NIN: variants seen among roughly 807,000 people sequenced by gnomAD.
The protein encoded by NIN is ninein.
Under a neutral mutation model 257.6 loss-of-function variants are expected in NIN, and 137 were observed. The observed-to-expected ratio is 0.53, with a 90% CI of 0.46 to 0.61. The LOEUF (loss-of-function observed/expected upper bound fraction) is 0.61. NIN is among the 20% of genes least tolerant of loss of function. The probability of loss-of-function intolerance (pLI) is 0.00; values close to 1 mark genes in which losing one functional copy is unlikely to be tolerated. For missense variants in NIN, 2,439 were observed against 2,501.2 expected, an observed-to-expected ratio of 0.98 and a Z score of 0.53; for synonymous variants, 918 against 919.8, an observed-to-expected ratio of 1.00 and a Z score of 0.04.
In NIN at chr14:50,722,339, T is replaced by G. The variant is rs75313789; in HGVS notation, c.*1124A>C. The G allele has an allele frequency of 6.8e-3, 1,459 of 215,178 alleles. 7 individuals carry two copies. Among genetic ancestry groups the G allele is most frequent in the Middle Eastern group, 0.023 (16 of 690 alleles). 13.3% of individuals were successfully genotyped at this position (215,178 alleles called of 1,614,324 possible). A position where few individuals can be genotyped will look rare whatever the true frequency, so the allele number is the denominator to read the frequency against. ...TAGAAGGAATAAGAAACACAGAAAA[T>G]TTTGACCTATATTAAATAAACTCTT... On this transcript the variant is annotated 3_prime_UTR_variant, in exon 31 of 31. Coordinates refer to ENST00000530997, the MANE Select transcript of NIN (RefSeq NM_020921.4).
At chr14:50,796,032 T>C (rs1398420811) in intron 4 of NIN, among the ~76,000 whole-genome samples, 1 of 152,218 alleles carries the variant, frequency 6.6e-6, no homozygotes, top group Non-Finnish European at 1.5e-5. Context: ...AAAGTATAAA[T>C]GACTGCCATG....
intron 29 of NIN, chr14:50,727,402 T>A: frequency 9.3e-7 from 1 of 1,070,098 alleles, no homozygotes; most frequent in Non-Finnish European, 1.1e-6. Flanking sequence ...ATATATAGAC[T>A]ACATCCTTTC....
At position 50,730,144 on chromosome 14, in the gene NIN, T is replaced by C. The variant is rs532423838; in HGVS notation, c.5878-421A>G. Among the ~76,000 whole-genome samples the C allele has an allele frequency of 1.9e-4, 29 of 152,370 alleles. No individual in the cohort carries two copies. The South Asian group carries it at 5.6e-3, about 29-fold the overall frequency. On this transcript the variant is annotated intron_variant, in intron 28 of 30. Coordinates refer to ENST00000530997, the MANE Select transcript of NIN (RefSeq NM_020921.4). ...AAGATTGTTAAATGTTCAATGACTA[T>C]ATTTTTTCCAACCCCAAGTTAGCAA...
At chr14:50,772,222 TCA>T (rs1239628355) in intron 9 of NIN, 77 bp downstream of exon 9, 12 of 1,281,470 alleles carry the variant, frequency 9.4e-6, no homozygotes, top group Non-Finnish European at 1.1e-5. Flanking sequence ...GAAAATCAAA[TCA>T]CAGTTTCCAA....
chr14:50,727,162 A>C, intron 29 of NIN: 2 of 601,012 alleles, frequency 3.3e-6, no homozygotes, highest in Non-Finnish European at 4.2e-6. Context: ...AAAGCAAAAC[A>C]AAAAAAAAGA....
intron 3 of NIN, among the ~76,000 whole-genome samples, chr14:50,811,401 G>A (rs894861972): frequency 1.3e-5 from 2 of 151,872 alleles, no homozygotes; most frequent in Admixed American, 6.6e-5. Context: ...GAGCCATCGC[G>A]CCCGGCCTTG....
intron 3 of NIN, among the ~76,000 whole-genome samples, chr14:50,812,517 A>G (rs1237364654): frequency 2.0e-5 from 3 of 152,222 alleles, no homozygotes; most frequent in Admixed American, 2.0e-4. Context: ...CAAGGAGTTT[A>G]TCAGCTACCC....
rs1415968659 is a variant in NIN, at chr14:50,766,818, T to C, written c.1507A>G (p.Lys503Glu). Residue 503 changes from lysine to glutamate, a missense_variant, in exon 13 of 31, where the codon AAA (lysine) becomes GAA (glutamate). Around this residue, in one of 3 missense-constraint regions of NIN, gnomAD observed 2,043 missense variants for 2,050.2 expected, o/e 1.00. Coordinates refer to ENST00000530997, the MANE Select transcript of NIN (RefSeq NM_020921.4). ...KLAEYENLTN[K>E]LQRNLENVLA... ...ACATTTTCCAAATTTCTCTGAAGTT[T>C]GTTTGTCAGATTCTCATATTCTGCC... The C allele has an allele frequency of 1.2e-6, 2 of 1,614,074 alleles. No individual in the cohort carries two copies. Among genetic ancestry groups the C allele is most frequent in the Non-Finnish European group, 1.7e-6 (2 of 1,179,944 alleles).
At position 50,766,373 on chromosome 14, in the gene NIN, A is replaced by G. The variant is rs771329550; in HGVS notation, c.1569T>C (p.Ser523=). 1.2e-6 allele frequency: 2 copies of G among 1,614,086 alleles called. No individual in the cohort carries two copies. The highest frequency in any genetic ancestry group is 1.7e-6 in the Non-Finnish European group (2 of 1,179,996). Residue 523 remains serine (S), a synonymous_variant, in exon 14 of 31, where the codon AGT becomes AGC. Transcript: ENST00000530997. The stretch of plus-strand genomic sequence containing the variant: ...TCTCTTCTTGCAGGAAGAACTCAGC[A>G]CTGCTAGGATCGAGGTCACCAAACT... The part of the protein sequence containing the change: ...AEKFGDLDPS[S]AEFFLQEERL...
rs779305878 is a variant in NIN, at chr14:50,754,814, G to A, written c.4592C>T (p.Thr1531Ile). The A allele has an allele frequency of 1.9e-6, 3 of 1,580,396 alleles. No homozygotes were observed. The highest frequency in any genetic ancestry group is 1.7e-6 in the Non-Finnish European group (2 of 1,162,720). The change falls in exon 19 of 31, where the codon ACT becomes ATT. Residue 1531 changes from threonine to isoleucine, a missense_variant. Physicochemically the swap from Thr to Ile is moderately conservative, Grantham distance 89. Transcript: ENST00000530997. ...QENSILRNEI[T>I]TLNEEDSISN... ...AATGCTATCTTCTTCATTTAAAGTA[G>A]TAATTTCATTTCTCAAAATAGAATT...
In NIN at chr14:50,722,330, C is replaced by T. The variant is rs2040287705; in HGVS notation, c.*1133G>A. On this transcript the variant is annotated 3_prime_UTR_variant, in exon 31 of 31. Coordinates refer to ENST00000530997, the MANE Select transcript of NIN (RefSeq NM_020921.4). ...TTTGAGGTATAGAAGGAATAAGAAA[C>T]ACAGAAAATTTTGACCTATATTAAA... 1 of 216,046 alleles carries T rather than the reference C, an allele frequency of 4.6e-6. No homozygotes were observed. The highest frequency in any genetic ancestry group is 5.8e-5 in the Admixed American group (1 of 17,164). The allele number at this position is 216,046 out of a possible 1,614,324, so 13.4% of individuals were successfully genotyped here.
intron 3 of NIN, among the ~76,000 whole-genome samples, chr14:50,817,299 A>G (rs1408075238): frequency 6.6e-6 from 1 of 152,244 alleles, no homozygotes; most frequent in Admixed American, 6.5e-5. Flanking sequence ...AGTCCAAATA[A>G]GCACTACAAG....
chr14:50,750,612 T>C (rs2041746228), intron 21 of NIN, among the ~76,000 whole-genome samples: 1 of 152,232 alleles, frequency 6.6e-6, no homozygotes, highest in Admixed American at 6.5e-5. Flanking sequence ...AGTCAAGATA[T>C]TAATTTCTGA....
chr14:50,823,200 G>A (rs752021101), intron 2 of NIN: 1 of 568,576 alleles, frequency 1.8e-6, no homozygotes, highest in Non-Finnish European at 3.6e-6. Context: ...TAACGTGCTG[G>A]ATTTTCCGAT....
intron 4 of NIN, among the ~76,000 whole-genome samples, chr14:50,802,518 G>T (rs34281449): frequency 0.27 from 41,452 of 152,010 alleles, 5,967 homozygotes; most frequent in Admixed American, 0.38. Context: ...ATATACAACT[G>T]CCTTTTATTA....
intron 4 of NIN, among the ~76,000 whole-genome samples, chr14:50,802,421 G>A (rs981217770): frequency 1.3e-5 from 2 of 152,156 alleles, no homozygotes; most frequent in African/African-American, 4.8e-5. Flanking sequence ...CCTCAGAGGA[G>A]TTATAAATGG....
At chr14:50,728,938 T>C (rs908231573) in intron 29 of NIN, among the ~76,000 whole-genome samples, 22 of 152,242 alleles carry the variant, frequency 1.4e-4, no homozygotes, top group African/African-American at 5.1e-4. Flanking sequence ...AAGTCATCAC[T>C]TGTGATTTTC....
At chr14:50,742,732 A>T (rs1281155033) in intron 24 of NIN, among the ~76,000 whole-genome samples, 1 of 152,112 alleles carries the variant, frequency 6.6e-6, no homozygotes, top group African/African-American at 2.4e-5. Context: ...ATTTTACGCT[A>T]ATACCGCATA....
intron 27 of NIN, among the ~76,000 whole-genome samples, chr14:50,737,084 G>C (rs1291601774): frequency 6.6e-6 from 1 of 152,158 alleles, no homozygotes; most frequent in Non-Finnish European, 1.5e-5. Context: ...CACTATACTA[G>C]GGTTAGTCTG....
Sources: gnomAD v4.1 joint callset for allele counts (sites outside exome capture counted in the v4.1 genomes callset) on GRCh38, gnomAD v4.1.1 for gene constraint, gnomAD v4.1.1 regional missense constraint, MANE v1.5 for transcripts, NCBI Gene and HGNC (gene_info 2026-07-23, HGNC 2026-07-21) for gene names.